Variants in NR6A1 observed in about 807,000 individuals in gnomAD.
The protein encoded by NR6A1 is nuclear receptor subfamily 6 group A member 1.
Under a neutral mutation model 59.1 loss-of-function variants are expected in NR6A1, and 7 were observed. The ratio of observed to expected loss-of-function variants is 0.12; its 90% confidence interval spans 0.07 to 0.22. The LOEUF is 0.22. Among genes scored for constraint, NR6A1 ranks in the 10% least tolerant of loss-of-function variants. The probability of loss-of-function intolerance (pLI) is 1.00; values close to 1 mark genes in which losing one functional copy is unlikely to be tolerated. For missense variants in NR6A1, 468 were observed against 611.6 expected, an observed-to-expected ratio of 0.77 and a Z score of 2.48; for synonymous variants, 243 against 236.1, an observed-to-expected ratio of 1.03 and a Z score of -0.27.
chr9:124,700,688 A>G (rs1838916051), intron 2 of NR6A1, among the ~76,000 whole-genome samples: 1 of 150,102 alleles, frequency 6.7e-6, no homozygotes, highest in South Asian at 2.1e-4. Flanking sequence ...GGATATTTGA[A>G]TTGTTTCCAG....
intron 7 of NR6A1, among the ~76,000 whole-genome samples, chr9:124,535,502 C>T (rs917485526): frequency 2.0e-5 from 3 of 152,022 alleles, no homozygotes; most frequent in Non-Finnish European, 2.9e-5. Context: ...CACTTGAACC[C>T]GGGAGGCAAG....
At chr9:124,690,290 A>C (rs1838491482) in intron 2 of NR6A1, among the ~76,000 whole-genome samples, 1 of 152,234 alleles carries the variant, frequency 6.6e-6, no homozygotes, top group East Asian at 1.9e-4. Context: ...GTTTATGCTT[A>C]TTTCTTCCAA....
At chr9:124,687,787 T>C (rs1838385081) in intron 2 of NR6A1, among the ~76,000 whole-genome samples, 1 of 152,212 alleles carries the variant, frequency 6.6e-6, no homozygotes. Flanking sequence ...GATGGGAAAC[T>C]TGCAAAATAA....
intron 2 of NR6A1, among the ~76,000 whole-genome samples, chr9:124,589,394 C>T (rs997446246): frequency 1.3e-5 from 2 of 152,058 alleles, no homozygotes; most frequent in African/African-American, 2.4e-5. Flanking sequence ...TGCAGTGAGC[C>T]GAGATAGCAC....
rs4838199 is a variant in NR6A1 at position 124,611,774 on chromosome 9, A to T, written c.143-57204T>A. Among the ~76,000 whole-genome samples, 478 of 105,736 alleles carry T rather than the reference A, an allele frequency of 4.5e-3. 5 individuals carry two copies. The highest frequency in any genetic ancestry group is 0.02 in the African/African-American group (440 of 21,548). The allele number at this position is 105,736 out of a possible 152,430, so 69.4% of individuals were successfully genotyped here. On this transcript the variant is annotated intron_variant, in intron 2 of 9. Coordinates refer to ENST00000487099, the MANE Select transcript of NR6A1 (RefSeq NM_033334.4). Reference sequence around the variant, plus strand: ...TAGAGAGAGAGAGAGAGAGAGAGAGAGAGAGAGAATGAGAGAGAATGAGAG... The same window carrying T: ...TAGAGAGAGAGAGAGAGAGAGAGAGTGAGAGAGAATGAGAGAGAATGAGAG...
chr9:124,696,707 G>C (rs1186937005), intron 2 of NR6A1, among the ~76,000 whole-genome samples: 3 of 151,908 alleles, frequency 2.0e-5, no homozygotes, highest in Admixed American at 6.6e-5. Flanking sequence ...ATTTCTAGTA[G>C]AGATGTGGTT....
chr9:124,540,010 CA>C (rs764234317), intron 5 of NR6A1, 22 bp downstream of exon 5: 23,296 of 1,588,002 alleles, frequency 0.015, 829 homozygotes, highest in East Asian at 0.14. Context: ...AGATGATGAC[CA>C]TGGGTTTGCC....
chr9:124,580,621 A>C (rs2131457487), intron 2 of NR6A1, among the ~76,000 whole-genome samples: 1 of 152,244 alleles, frequency 6.6e-6, no homozygotes, highest in South Asian at 2.1e-4. Flanking sequence ...GGGGTTTAAG[A>C]CCAGCTTGGT....
At position 124,518,011 on chromosome 9, in the gene NR6A1, G is replaced by A. The variant is rs1425255835; in HGVS notation, c.*4694C>T. The A allele has an allele frequency of 6.6e-6, 1 of 150,876 alleles. No homozygotes were observed. Among genetic ancestry groups the A allele is most frequent in the African/African-American group, 2.4e-5 (1 of 40,918 alleles). The allele number at this position is 150,876 out of a possible 1,614,324, so 9.3% of individuals were successfully genotyped here. A position where few individuals can be genotyped will look rare whatever the true frequency, so the allele number is the denominator to read the frequency against. On this transcript the variant is annotated 3_prime_UTR_variant, in exon 10 of 10. Coordinates refer to ENST00000487099, the MANE Select transcript of NR6A1 (RefSeq NM_033334.4). ...TCAACAACATTATCACCTATTACAA[G>A]ACATTTTAGAGAAAGAAAACAATGG... is the stretch of plus-strand genomic sequence containing the variant.
intron 2 of NR6A1, among the ~76,000 whole-genome samples, chr9:124,718,523 T>G (rs1275165124): frequency 6.6e-6 from 1 of 152,192 alleles, no homozygotes; most frequent in Non-Finnish European, 1.5e-5. Context: ...CTAGAACCTA[T>G]TGGCTCAATT....
At chr9:124,545,426 G>A (rs545353854) in intron 3 of NR6A1, among the ~76,000 whole-genome samples, 31 of 152,200 alleles carry the variant, frequency 2.0e-4, no homozygotes, top group Admixed American at 7.9e-4. Context: ...CAACAGGGTC[G>A]GTCTGCTTTA....
chr9:124,572,945 C>T (rs1465498099), intron 2 of NR6A1, among the ~76,000 whole-genome samples: 3 of 152,142 alleles, frequency 2.0e-5, no homozygotes, highest in Non-Finnish European at 4.4e-5. Flanking sequence ...ATACTGAGTA[C>T]GGTTTTGGCA....
intron 2 of NR6A1, among the ~76,000 whole-genome samples, chr9:124,632,880 T>C (rs1192439682): frequency 6.6e-6 from 1 of 152,152 alleles, no homozygotes; most frequent in African/African-American, 2.4e-5. Flanking sequence ...AACCCCTCTA[T>C]GGACCTCAGT....
intron 2 of NR6A1, among the ~76,000 whole-genome samples, chr9:124,561,370 C>T (rs935868068): frequency 3.3e-5 from 5 of 151,952 alleles, no homozygotes; most frequent in Non-Finnish European, 7.4e-5. Flanking sequence ...CCCAGGTGGT[C>T]GAAGATGCAG....
chr9:124,536,020 T>C lies in NR6A1; in HGVS notation c.937A>G (p.Ile313Val), dbSNP rs759821120. 2.5e-5 allele frequency: 40 copies of C among 1,614,078 alleles called. No homozygotes were observed. The highest frequency in any genetic ancestry group is 3.1e-5 in the Non-Finnish European group (36 of 1,180,038). ...KKLPFFCELS[I>V]KDYTCLLSST... ...CTCAAGAGGCACGTGTAATCCTTGA[T>C]TGAGAGCTCGCAGAAGAAAGGCAGT... The change falls in exon 7 of 10, where the codon ATC (isoleucine) becomes GTC (valine). Residue 313 changes from isoleucine to valine, a missense_variant. By Grantham distance (29) the Ile-to-Val change is conservative. Around this residue, in one of 4 missense-constraint regions of NR6A1, gnomAD observed 176 missense variants for 264.0 expected, o/e 0.67. Transcript: ENST00000487099.
intron 2 of NR6A1, among the ~76,000 whole-genome samples, chr9:124,623,573 G>A (rs942453904): frequency 6.6e-6 from 1 of 150,968 alleles, no homozygotes; most frequent in African/African-American, 2.4e-5. Flanking sequence ...TGTTTCCCAG[G>A]CTGGTCTTCT....
intron 2 of NR6A1, among the ~76,000 whole-genome samples, chr9:124,613,802 A>T (rs1835818434): frequency 1.3e-5 from 2 of 152,238 alleles, no homozygotes; most frequent in African/African-American, 4.8e-5. Flanking sequence ...TTGTTAATGA[A>T]AAGAATCAGT....
In NR6A1 at chr9:124,646,564, G is replaced by T. The variant is rs532325737; in HGVS notation, c.142+86744C>A. Among the ~76,000 whole-genome samples the T allele has an allele frequency of 1.2e-4, 18 of 152,222 alleles. No homozygotes were observed. In the South Asian group the frequency reaches 1.7e-3, roughly 14 times the overall value. ...ACAAATTTGATAACCTAGATCAGAG[G>T]TGTCCAATCTTTAAGCTTCCCTGGG... On this transcript the variant is annotated intron_variant, in intron 2 of 9. Transcript: ENST00000487099.
chr9:124,705,093 C>T (rs1211674179), intron 2 of NR6A1, among the ~76,000 whole-genome samples: 8 of 152,152 alleles, frequency 5.3e-5, no homozygotes, highest in East Asian at 1.9e-4. Context: ...ATTATTTATA[C>T]GTATGTTGTT....
Sources: gnomAD v4.1 joint callset for allele counts (sites outside exome capture counted in the v4.1 genomes callset) on GRCh38, gnomAD v4.1.1 for gene constraint, gnomAD v4.1.1 regional missense constraint, MANE v1.5 for transcripts, NCBI Gene and HGNC (gene_info 2026-07-23, HGNC 2026-07-21) for gene names.